CCNC: variants seen among roughly 807,000 people sequenced by gnomAD.
CCNC encodes the protein cyclin C.
A neutral mutation model predicts 50.0 loss-of-function variants in CCNC; 19 were observed. The observed-to-expected ratio is 0.38, with a 90% confidence interval of 0.27 to 0.56. CCNC has a LOEUF of 0.56. CCNC is among the 20% of genes least tolerant of loss of function. The probability of loss-of-function intolerance (pLI) is 0.72; values close to 1 mark genes in which losing one functional copy is unlikely to be tolerated. For missense variants in CCNC, 200 were observed against 327.1 expected, an observed-to-expected ratio of 0.61 and a Z score of 3.00; for synonymous variants, 93 against 103.7, an observed-to-expected ratio of 0.90 and a Z score of 0.63.
intron 1 of CCNC, among the ~76,000 whole-genome samples, chr6:99,566,007 T>C (rs1347056538): frequency 6.6e-6 from 1 of 152,036 alleles, no homozygotes; most frequent in Non-Finnish European, 1.5e-5. Flanking sequence ...TCTTGAAAGA[T>C]GGAAAGTATT....
chr6:99,558,432 AT>A, intron 5 of CCNC, 64 bp downstream of exon 5: 1 of 1,570,690 alleles, frequency 6.4e-7, no homozygotes, highest in Non-Finnish European at 8.6e-7. Flanking sequence ...AAAAAAAAAA[AT>A]CTATGTACTC....
chr6:99,549,557 G>C lies in CCNC; in HGVS notation c.549C>G (p.Thr183=), dbSNP rs771616779. ...LPLAWRIVND[T]YRTDLCLLYP... is the part of the protein sequence containing the mutation. ...ACAGTAGGCAAAGATCCGTTCTGTA[G>C]GTATCATTCACTATCCTCCTATAGA... Residue 183 remains threonine, a synonymous_variant, in exon 9 of 12, where the codon ACC becomes ACG. Transcript: ENST00000520429. 1.9e-6 allele frequency: 3 copies of C among 1,601,240 alleles called. No homozygotes were observed. The highest frequency in any genetic ancestry group is 1.1e-5 in the South Asian group (1 of 90,514).
intron 3 of CCNC, 33 bp downstream of exon 3, chr6:99,561,564 G>C (rs1802782231): frequency 6.8e-7 from 1 of 1,464,632 alleles, no homozygotes; most frequent in Admixed American, 1.7e-5. Context: ...CATTAGATAA[G>C]AGTTCAAATA....
At chr6:99,568,664 G>A (rs532788052), upstream of CCNC, 8 of 1,518,146 alleles carry the variant, frequency 5.3e-6, no homozygotes, top group East Asian at 1.2e-4. Flanking sequence ...CGGCGACGGC[G>A]AAAGGAAGAG....
In CCNC at chr6:99,551,025, A is replaced by G. The variant is rs1204589364; in HGVS notation, c.406T>C (p.Leu136=). The change falls in exon 7 of 12, where the codon TTA becomes CTA. Residue 136 remains leucine (L), a synonymous_variant. Transcript: ENST00000520429. ...KEFPYRMNHI[L]ECEFYLLELM... Reference sequence around the variant, plus strand: ...TCTAACAGATAGAATTCACATTCTAATATCTGTTTAAAACAAAGATTATCA... The same window carrying G: ...TCTAACAGATAGAATTCACATTCTAGTATCTGTTTAAAACAAAGATTATCA... 9.0e-6 allele frequency: 10 copies of G among 1,112,358 alleles called. No homozygotes were observed. Among genetic ancestry groups the G allele is most frequent in the Non-Finnish European group, 1.1e-5 (9 of 804,002 alleles). 68.9% of individuals were successfully genotyped at this position (1,112,358 alleles called of 1,614,324 possible).
chr6:99,563,099 G>T, intron 1 of CCNC, 151 bp from the exon 2 acceptor site: 1 of 600,354 alleles, frequency 1.7e-6, no homozygotes, highest in South Asian at 2.0e-5. Context: ...TGACTAATAA[G>T]AATTATCTCA....
chr6:99,554,215 TA>T (rs1185879421), intron 5 of CCNC, among the ~76,000 whole-genome samples: 2 of 152,156 alleles, frequency 1.3e-5, no homozygotes, highest in African/African-American at 4.8e-5. Context: ...ACCACCGAGA[TA>T]AAGTACCATC....
intron 3 of CCNC, 45 bp downstream of exon 3, chr6:99,561,552 A>G: frequency 6.9e-7 from 1 of 1,439,424 alleles, no homozygotes; most frequent in Non-Finnish European, 9.7e-7. Context: ...AAGGTTCATC[A>G]ACATTAGATA....
chr6:99,566,175 A>G (rs1451140711), intron 1 of CCNC, among the ~76,000 whole-genome samples: 1 of 151,926 alleles, frequency 6.6e-6, no homozygotes, highest in Non-Finnish European at 1.5e-5. Flanking sequence ...TGATTTAACT[A>G]GCAGTAGTTT....
intron 5 of CCNC, 50 bp from the exon 6 acceptor site, chr6:99,551,945 A>G: frequency 1.6e-6 from 2 of 1,269,316 alleles, no homozygotes; most frequent in Non-Finnish European, 1.1e-6. Flanking sequence ...GAAATAAATT[A>G]ACTCAAAATT....
At position 99,550,685 on chromosome 6, in the gene CCNC, C is replaced by T. The variant is rs113004969; in HGVS notation, c.438+308G>A. ...TAATCTATCTTTAAATAACACTGCA[C>T]GCACACACAAATTGTGCACATAATT... is the stretch of plus-strand genomic sequence containing the variant. On this transcript the variant is annotated intron_variant, in intron 7 of 11. Transcript: ENST00000520429. The T allele has an allele frequency of 1.0e-3, 258 of 246,552 alleles. 3 individuals carry two copies. The highest frequency in any genetic ancestry group is 6.7e-3 in the African/African-American group (236 of 35,256). The allele number at this position is 246,552 out of a possible 1,614,324, so 15.3% of individuals were successfully genotyped here.
At position 99,542,642 on chromosome 6, in the gene CCNC, C is replaced by A. The variant is rs764255665; in HGVS notation, c.*913G>T. ...CTCTCATATTAGAATTAAGGACAGC[C>A]AGTATCAAACTGGCCTGAAACCTGA... On this transcript the variant is annotated 3_prime_UTR_variant, in exon 12 of 12. Transcript: ENST00000520429. 5 of 152,504 alleles carry A rather than the reference C, an allele frequency of 3.3e-5. No homozygotes were observed. The highest frequency in any genetic ancestry group is 7.4e-5 in the Non-Finnish European group (5 of 67,990). The allele number at this position is 152,504 out of a possible 1,614,324, so 9.4% of individuals were successfully genotyped here. A position where few individuals can be genotyped will look rare whatever the true frequency, so the allele number is the denominator to read the frequency against.
At chr6:99,547,435 T>G (rs1469642713) in intron 9 of CCNC, among the ~76,000 whole-genome samples, 3 of 150,650 alleles carry the variant, frequency 2.0e-5, no homozygotes, top group African/African-American at 7.3e-5. Flanking sequence ...GAGGTGATGC[T>G]GAAAGGGTGG....
intron 9 of CCNC, 153 bp downstream of exon 9, chr6:99,549,355 G>A: frequency 1.5e-6 from 1 of 682,680 alleles, no homozygotes; most frequent in Admixed American, 2.1e-5. Flanking sequence ...TATGACAGTT[G>A]CAGTTCATAT....
chr6:99,545,789 A>C (rs987097468), intron 10 of CCNC, among the ~76,000 whole-genome samples: 2 of 152,208 alleles, frequency 1.3e-5, no homozygotes, highest in Non-Finnish European at 2.9e-5. Flanking sequence ...CCATTCTGCC[A>C]GGAGATAGGC....
intron 1 of CCNC, among the ~76,000 whole-genome samples, chr6:99,563,863 C>T (rs1768977918): frequency 6.6e-6 from 1 of 151,930 alleles, no homozygotes; most frequent in Non-Finnish European, 1.5e-5. Context: ...ACATGCTGTG[C>T]TATTTTAGAC....
intron 4 of CCNC, 129 bp downstream of exon 4, chr6:99,561,238 T>C: frequency 1.4e-6 from 1 of 706,526 alleles, no homozygotes; most frequent in Non-Finnish European, 2.6e-6. Flanking sequence ...ATTTCTTTGA[T>C]TTTGTACAAT....
intron 5 of CCNC, among the ~76,000 whole-genome samples, chr6:99,556,081 A>T (rs1802499355): frequency 6.6e-6 from 1 of 151,986 alleles, no homozygotes; most frequent in Non-Finnish European, 1.5e-5. Context: ...CTTAAAAATT[A>T]TTTTTTCCAC....
At position 99,559,202 on chromosome 6, in the gene CCNC, A is replaced by C. The variant is rs192261842; in HGVS notation, c.295-654T>G. Among the ~76,000 whole-genome samples, 344 of 152,042 alleles carry C rather than the reference A, an allele frequency of 2.3e-3. 4 individuals carry two copies. Among genetic ancestry groups the C allele is most frequent in the South Asian group, 0.01 (49 of 4,822 alleles). ...ATCACCAAAAGAACTAAAAAAAAAA[A>C]AAAACCATATAAATAGTTACTATCC... On this transcript the variant is annotated intron_variant, in intron 4 of 11. Coordinates refer to ENST00000520429, the MANE Select transcript of CCNC (RefSeq NM_005190.4).
Sources: gnomAD v4.1 joint callset for allele counts (sites outside exome capture counted in the v4.1 genomes callset) on GRCh38, gnomAD v4.1.1 for gene constraint, MANE v1.5 for transcripts, NCBI Gene and HGNC (gene_info 2026-07-23, HGNC 2026-07-21) for gene names.